The following ATXN7L1 variants were observed in gnomAD, a reference collection of about 807,000 sequenced individuals.
ATXN7L1 encodes ataxin 7 like 1, also known as ataxin-7-like protein 1.
In ATXN7L1, 15 loss-of-function variants were observed where a neutral mutation model predicts 70.8. That is an observed-to-expected ratio of 0.21 (90% CI 0.14 to 0.33). The LOEUF (loss-of-function observed/expected upper bound fraction) is 0.33, where lower values mean the gene tolerates loss of function less well. ATXN7L1 is among the 10% of genes least tolerant of loss of function. The pLI, the probability that ATXN7L1 is intolerant of heterozygous loss-of-function variation, is 1.00. For synonymous variants in ATXN7L1, 440 were observed against 445.1 expected (o/e 0.99, Z 0.14); for missense variants, 975 against 1,097.1 (o/e 0.89, Z 1.57).
At position 105,624,267 on chromosome 7, in the gene ATXN7L1, T is replaced by A; in HGVS notation, c.1203A>T (p.Arg401Ser). The A allele has an allele frequency of 7.1e-7, 1 of 1,413,296 alleles. No individual in the cohort carries two copies. The highest frequency in any genetic ancestry group is 9.3e-7 in the Non-Finnish European group (1 of 1,069,750). The allele number at this position is 1,413,296 out of a possible 1,614,324, so 87.5% of individuals were successfully genotyped here. A position where few individuals can be genotyped will look rare whatever the true frequency, so the allele number is the denominator to read the frequency against. The change falls in exon 8 of 12, where the codon AGA becomes AGT. Residue 401 changes from arginine to serine, a missense_variant and splice_region_variant. Around this residue, in one of 5 missense-constraint regions of ATXN7L1, gnomAD observed 635 missense variants for 699.4 expected, o/e 0.91. Transcript: ENST00000419735. ...TGCTTATGCTATTTGCAGATGATGGTCTAAGGGCAAGAGCGGAGAACAAAC... is the reference window on the plus strand; with the variant it reads ...TGCTTATGCTATTTGCAGATGATGGACTAAGGGCAAGAGCGGAGAACAAAC... ...KSRPPNSVLP[R>S]PSSANSISSS... is the part of the protein sequence containing the mutation.
intron 3 of ATXN7L1, among the ~76,000 whole-genome samples, chr7:105,744,232 A>T (rs1167790115): frequency 2.6e-5 from 4 of 152,168 alleles, no homozygotes; most frequent in Non-Finnish European, 2.9e-5. Context: ...CACTACAAAA[A>T]TGGCTACCAC....
At chr7:105,636,599 G>C (rs1356166484) in intron 7 of ATXN7L1, among the ~76,000 whole-genome samples, 4 of 152,148 alleles carry the variant, frequency 2.6e-5, no homozygotes, top group African/African-American at 9.7e-5. Flanking sequence ...AACAGTCGGA[G>C]CAGATCCTTC....
At chr7:105,738,439 A>G (rs1409644966) in intron 3 of ATXN7L1, among the ~76,000 whole-genome samples, 2 of 152,240 alleles carry the variant, frequency 1.3e-5, no homozygotes, top group South Asian at 2.1e-4. Flanking sequence ...ACTGCTTTCA[A>G]TATAACTAAA....
intron 3 of ATXN7L1, among the ~76,000 whole-genome samples, chr7:105,718,075 G>T (rs934386203): frequency 3.9e-5 from 6 of 152,188 alleles, no homozygotes; most frequent in African/African-American, 1.4e-4. Context: ...GGGCAGTGAA[G>T]AGTAAATTAG....
At chr7:105,841,083 G>A (rs559092930) in intron 2 of ATXN7L1, among the ~76,000 whole-genome samples, 1 of 152,210 alleles carries the variant, frequency 6.6e-6, no homozygotes, top group African/African-American at 2.4e-5. Flanking sequence ...TCTGAGACAG[G>A]AGCAACACTG....
chr7:105,733,000 C>A (rs921507128), intron 3 of ATXN7L1, among the ~76,000 whole-genome samples: 3 of 152,186 alleles, frequency 2.0e-5, no homozygotes, highest in Non-Finnish European at 4.4e-5. Flanking sequence ...AAATAGCAAC[C>A]CTACATCATC....
chr7:105,846,935 G>A (rs768645094), intron 2 of ATXN7L1, among the ~76,000 whole-genome samples: 2 of 152,150 alleles, frequency 1.3e-5, no homozygotes, highest in Non-Finnish European at 2.9e-5. Flanking sequence ...AAGTTGATTC[G>A]TAGTTGCCAG....
rs1794723367 is a variant in ATXN7L1 at position 105,620,229 on chromosome 7, T to C, written c.1488A>G (p.Val496=). 1.9e-6 allele frequency: 3 copies of C among 1,551,552 alleles called. No homozygotes were observed. Among genetic ancestry groups the C allele is most frequent in the Non-Finnish European group, 2.6e-6 (3 of 1,146,880 alleles). ...ACATCTGTGAATTCAGGTGTTTTTC[T>C]ACCATGGAGTTTAGTGCGAATCGAA... The part of the protein sequence containing the change: ...DRFRFALNSM[V]EKHLNSQMWK... The change falls in exon 9 of 12, where the codon GTA becomes GTG. Residue 496 remains valine, a synonymous_variant. Transcript: ENST00000419735.
At position 105,660,497 on chromosome 7, in the gene ATXN7L1, TA is replaced by T. The variant is rs1400228137; in HGVS notation, c.578+4568del. ...TTTGGTGGTAAAATAGACATAACATTAAAAATTTACCATTCTAATTCCATTC... is the reference window on the plus strand; with the variant it reads ...TTTGGTGGTAAAATAGACATAACATTAAAATTTACCATTCTAATTCCATTC... On this transcript the variant is annotated intron_variant, in intron 4 of 11. Coordinates refer to ENST00000419735, the MANE Select transcript of ATXN7L1 (RefSeq NM_020725.2). 2.0e-5 allele frequency among the ~76,000 whole-genome samples: 3 copies of T among 150,984 alleles called. No individual in the cohort carries two copies. In the South Asian group the frequency reaches 6.3e-4, roughly 32 times the overall value.
intron 6 of ATXN7L1, 37 bp downstream of exon 6, chr7:105,639,450 C>A (rs1358721027): frequency 6.7e-7 from 1 of 1,501,816 alleles, no homozygotes; most frequent in Non-Finnish European, 9.1e-7. Context: ...AAGGCCCCAG[C>A]GAGAGCAGGA....
chr7:105,847,179 G>C (rs1303763457), intron 2 of ATXN7L1, among the ~76,000 whole-genome samples: 2 of 152,176 alleles, frequency 1.3e-5, no homozygotes, highest in Non-Finnish European at 2.9e-5. Flanking sequence ...GCGTCACAGA[G>C]AAGAGACTAC....
rs911534215 is a variant in ATXN7L1, at chr7:105,774,479, G to C, written c.355+14125C>G. Among the ~76,000 whole-genome samples, 4 of 151,156 alleles carry C rather than the reference G, an allele frequency of 2.6e-5. No homozygotes were observed. In the East Asian group the frequency reaches 7.8e-4, roughly 29 times the overall value. On this transcript the variant is annotated intron_variant, in intron 3 of 11. Transcript: ENST00000419735. ...CGATTCTACTGCCTCAGCCTCCCTA[G>C]TAGCTGAGATAACAGATGTGTGCTA...
intron 4 of ATXN7L1, among the ~76,000 whole-genome samples, chr7:105,650,384 T>TTG (rs1194454206): frequency 6.6e-6 from 1 of 152,044 alleles, no homozygotes; most frequent in African/African-American, 2.4e-5. Flanking sequence ...CAGAGCATGG[T>TTG]AAATAAGAAT....
intron 3 of ATXN7L1, among the ~76,000 whole-genome samples, chr7:105,671,943 C>T (rs1803800351): frequency 6.8e-6 from 1 of 146,660 alleles, no homozygotes; most frequent in African/African-American, 2.5e-5. Context: ...GTGCCAGGCA[C>T]TCTTCTAAAC....
At chr7:105,854,958 CTTT>C (rs34345388) in intron 2 of ATXN7L1, among the ~76,000 whole-genome samples, 19 of 130,382 alleles carry the variant, frequency 1.5e-4, no homozygotes, top group Non-Finnish European at 1.5e-4. Flanking sequence ...TCTTCTTCTT[CTTT>C]TTTTTTTTTT....
intron 2 of ATXN7L1, among the ~76,000 whole-genome samples, chr7:105,792,290 G>A (rs1047294793): frequency 6.6e-6 from 1 of 152,226 alleles, no homozygotes; most frequent in Non-Finnish European, 1.5e-5. Flanking sequence ...TGGAAAGTGA[G>A]AGGACCTGGG....
intron 2 of ATXN7L1, among the ~76,000 whole-genome samples, chr7:105,833,442 G>A (rs974385865): frequency 6.6e-6 from 1 of 152,142 alleles, no homozygotes; most frequent in Admixed American, 6.5e-5. Flanking sequence ...AAATAAAAGA[G>A]CAAATAGATG....
At chr7:105,732,573 C>G (rs919625042) in intron 3 of ATXN7L1, among the ~76,000 whole-genome samples, 1 of 152,152 alleles carries the variant, frequency 6.6e-6, no homozygotes, top group African/African-American at 2.4e-5. Flanking sequence ...CAAGGCCCCT[C>G]CAGCACCCAG....
intron 2 of ATXN7L1, among the ~76,000 whole-genome samples, chr7:105,834,708 A>T (rs1812108472): frequency 6.6e-6 from 1 of 152,164 alleles, no homozygotes; most frequent in African/African-American, 2.4e-5. Context: ...CACTGGGCTG[A>T]GCGTACTGCC....
Sources: allele counts gnomAD v4.1 joint callset (sites outside exome capture counted in the v4.1 genomes callset), GRCh38; gene constraint gnomAD v4.1.1; regional missense constraint gnomAD v4.1.1; transcripts MANE v1.5; gene names NCBI Gene and HGNC (gene_info 2026-07-23, HGNC 2026-07-21).